Variants in CCDC110 observed in about 807,000 individuals in gnomAD.
The protein encoded by CCDC110 is coiled-coil domain containing 110.
In CCDC110, 70 loss-of-function variants were observed where a neutral mutation model predicts 77.1. That is an observed-to-expected ratio of 0.91 (90% CI 0.75 to 1.11). The LOEUF is 1.11. Ranked by LOEUF, CCDC110 falls within the 50% of genes least tolerant of loss-of-function variation. The pLI, the probability that CCDC110 is intolerant of heterozygous loss-of-function variation, is 0.00. For synonymous variants in CCDC110, 295 were observed against 312.5 expected, an observed-to-expected ratio of 0.94 and a Z score of 0.59; for missense variants, 868 against 942.9, an observed-to-expected ratio of 0.92 and a Z score of 1.04.
rs756061636 is a variant in CCDC110 at position 185,471,614 on chromosome 4, C to G, written c.10+60G>C. On this transcript the variant is annotated intron_variant, in intron 1 of 6. Coordinates refer to ENST00000307588, the MANE Select transcript of CCDC110 (RefSeq NM_152775.4). ...GAGCGGGGAGCCGCCTGCTGAATGC[C>G]CTTCTGCTGCCCTCCGTTCCCGCGG... 367 of 1,535,748 alleles carry G rather than the reference C, an allele frequency of 2.4e-4. 1 individual carries two copies. The highest frequency in any genetic ancestry group is 3.1e-4 in the Non-Finnish European group (356 of 1,140,486).
At chr4:185,457,588 G>A (rs1271558995) in intron 6 of CCDC110, among the ~76,000 whole-genome samples, 1 of 151,852 alleles carries the variant, frequency 6.6e-6, no homozygotes, top group Admixed American at 6.6e-5. Flanking sequence ...TTACTAGTTG[G>A]GTAAAATCTC....
At position 185,459,147 on chromosome 4, in the gene CCDC110, A is replaced by C. The variant is rs756729863; in HGVS notation, c.1440T>G (p.Leu480=). 2 of 1,598,730 alleles carry C rather than the reference A, an allele frequency of 1.3e-6. No homozygotes were observed. Among genetic ancestry groups the C allele is most frequent in the South Asian group, 2.3e-5 (2 of 88,358 alleles). Residue 480 remains leucine (L), a synonymous_variant, in exon 6 of 7, where the codon CTT becomes CTG. Transcript: ENST00000307588. ...IQKVETYEKQ[L]KNLVEEKSTI... Reference sequence around the variant, plus strand: ...TACTCTTTTCTTCAACCAGATTCTTAAGTTGCTTTTCATATGTTTCAACTT... The same window carrying C: ...TACTCTTTTCTTCAACCAGATTCTTCAGTTGCTTTTCATATGTTTCAACTT...
intron 6 of CCDC110, among the ~76,000 whole-genome samples, chr4:185,447,648 C>T (rs2095617836): frequency 6.8e-6 from 1 of 147,812 alleles, no homozygotes; most frequent in South Asian, 2.1e-4. Flanking sequence ...CTGTATTAAG[C>T]CATGTATGCA....
rs908850772 is a variant in CCDC110, at chr4:185,458,409, A to G, written c.2178T>C (p.Ser726=). The G allele has an allele frequency of 3.8e-6, 6 of 1,594,520 alleles. No individual in the cohort carries two copies. Among genetic ancestry groups the G allele is most frequent in the Non-Finnish European group, 5.1e-6 (6 of 1,172,166 alleles). The change falls in exon 6 of 7, where the codon AGT becomes AGC. Residue 726 remains serine, a synonymous_variant. Transcript: ENST00000307588. ...QILKEELKKH[S]QENIKFENSI... ...TGTTTTCAAATTTTATATTTTCTTG[A>G]CTATGTTTCTTTAGTTCTTCTTTTA...
At chr4:185,460,999 C>A in intron 5 of CCDC110, 50 bp downstream of exon 5, 1 of 900,308 alleles carries the variant, frequency 1.1e-6, no homozygotes, top group South Asian at 1.4e-5. Context: ...TGATGGTAGT[C>A]ACGTTTTGAA....
At chr4:185,461,720 C>T (rs1178898998) in intron 4 of CCDC110, among the ~76,000 whole-genome samples, 1 of 152,218 alleles carries the variant, frequency 6.6e-6, no homozygotes, top group African/African-American at 2.4e-5. Flanking sequence ...ACAGCGGCCA[C>T]CTGACAGTGA....
rs1204574569 is a variant in CCDC110 at position 185,461,276 on chromosome 4, T to C, written c.238-117A>G. The C allele has an allele frequency of 9.1e-6, 5 of 547,624 alleles. No homozygotes were observed. In the African/African-American group the frequency reaches 9.6e-5, roughly 11 times the overall value. The allele number at this position is 547,624 out of a possible 1,614,324, so 33.9% of individuals were successfully genotyped here. On this transcript the variant is annotated intron_variant, in intron 4 of 6. Transcript: ENST00000307588. The stretch of plus-strand genomic sequence containing the variant: ...TAAATTTCCTGCCCATAAACAGTCT[T>C]TCCCATCTTATAGAATATAAATGAA...
intron 5 of CCDC110, 62 bp from the exon 6 acceptor site, chr4:185,460,300 G>T: frequency 1.6e-6 from 2 of 1,283,714 alleles, no homozygotes; most frequent in Non-Finnish European, 2.1e-6. Context: ...AAGCAGTACA[G>T]ATAATATTTT....
In CCDC110 at chr4:185,458,817, T is replaced by C; in HGVS notation, c.1770A>G (p.Lys590=). 1 of 1,607,986 alleles carries C rather than the reference T, an allele frequency of 6.2e-7. No individual in the cohort carries two copies. Among genetic ancestry groups the C allele is most frequent in the East Asian group, 2.2e-5 (1 of 44,720 alleles). The change falls in exon 6 of 7, where the codon AAA becomes AAG. Residue 590 remains lysine (K), a synonymous_variant. Coordinates refer to ENST00000307588, the MANE Select transcript of CCDC110 (RefSeq NM_152775.4). ...LIQDEKEMLE[K]KTHQLLKEKS... is the part of the protein sequence containing the mutation. ...TTTCTTTTAGAAGCTGGTGTGTTTT[T>C]TTCTCTAACATTTCTTTTTCATCTT...
chr4:185,456,248 T>C (rs2095635819), intron 6 of CCDC110, among the ~76,000 whole-genome samples: 3 of 152,172 alleles, frequency 2.0e-5, no homozygotes, highest in Admixed American at 2.0e-4. Flanking sequence ...TCACTTCCAA[T>C]CCATTGGGTC....
At chr4:185,446,342 C>T (rs545826471) in intron 6 of CCDC110, among the ~76,000 whole-genome samples, 39 of 152,286 alleles carry the variant, frequency 2.6e-4, no homozygotes, top group African/African-American at 9.1e-4. Context: ...TAAGTTGATA[C>T]TGTCTTAAAA....
At chr4:185,447,282 C>A (rs775118972) in intron 6 of CCDC110, among the ~76,000 whole-genome samples, 4 of 151,806 alleles carry the variant, frequency 2.6e-5, no homozygotes, top group Non-Finnish European at 5.9e-5. Context: ...GCCGGGTTCA[C>A]GCCATTCTCC....
chr4:185,458,269 C>G lies in CCDC110; in HGVS notation c.2318G>C (p.Ser773Thr). 1 of 1,599,956 alleles carries G rather than the reference C, an allele frequency of 6.3e-7. No individual in the cohort carries two copies. Among genetic ancestry groups the G allele is most frequent in the African/African-American group, 1.3e-5 (1 of 74,162 alleles). The change falls in exon 6 of 7, where the codon AGT becomes ACT. Residue 773 changes from serine to threonine, a missense_variant. Physicochemically the swap from Ser to Thr is moderately conservative, Grantham distance 58. Transcript: ENST00000307588. ...EMRHLQREYL[S>T]LSDKICNQHN... ...CTGATTACAAATTTTATCACTTAAA[C>G]TTAAATATTCTCGTTGAAGATGCCG...
intron 6 of CCDC110, among the ~76,000 whole-genome samples, chr4:185,447,551 G>T (rs1419836165): frequency 6.6e-6 from 1 of 152,152 alleles, no homozygotes; most frequent in East Asian, 1.9e-4. Flanking sequence ...TTTGTCAAGT[G>T]AAGTTTTTTC....
rs2095607331 is a variant in CCDC110, at chr4:185,445,333, G to A, written c.*169C>T. On this transcript the variant is annotated 3_prime_UTR_variant, in exon 7 of 7. Coordinates refer to ENST00000307588, the MANE Select transcript of CCDC110 (RefSeq NM_152775.4). ...CCCATCTTCTGAAATTCCCAGCTGA[G>A]AAAGCTTAAGTTATCTGCACCAAAC... The A allele has an allele frequency of 1.4e-6, 1 of 721,682 alleles. No homozygotes were observed. The highest frequency in any genetic ancestry group is 1.8e-5 in the African/African-American group (1 of 56,170). The allele number at this position is 721,682 out of a possible 1,614,324, so 44.7% of individuals were successfully genotyped here.
At position 185,460,030 on chromosome 4, in the gene CCDC110, T is replaced by G. The variant is rs769786331; in HGVS notation, c.557A>C (p.His186Pro). 1 of 1,613,300 alleles carries G rather than the reference T, an allele frequency of 6.2e-7. No homozygotes were observed. ...TDNLSSNIII[H>P]PSENSDILKN... ...CAAGATGTCAGAATTTTCTGAAGGGTGTATAATTATGTTTGAAGATAAATT... is the reference window on the plus strand; with the variant it reads ...CAAGATGTCAGAATTTTCTGAAGGGGGTATAATTATGTTTGAAGATAAATT... The change falls in exon 6 of 7, where the codon CAC (histidine) becomes CCC (proline). Residue 186 changes from histidine (H) to proline (P), a missense_variant. By Grantham distance (77) the His-to-Pro change is moderately conservative. Transcript: ENST00000307588.
chr4:185,470,964 T>C lies in CCDC110; in HGVS notation c.96A>G (p.Glu32=), dbSNP rs756650265. The change falls in exon 2 of 7, where the codon GAA becomes GAG. Residue 32 remains glutamate (E), a synonymous_variant. Transcript: ENST00000307588. The part of the protein sequence containing the change: ...KILNSSEGVK[E]SGCSDTEYGC... Reference sequence around the variant, plus strand: ...TTTTACCTGTGTCACTGCAGCCACTTTCCTTCACCCCCTCCGAAGAATTTA... The same window carrying C: ...TTTTACCTGTGTCACTGCAGCCACTCTCCTTCACCCCCTCCGAAGAATTTA... The C allele has an allele frequency of 6.2e-7, 1 of 1,611,186 alleles. No individual in the cohort carries two copies. Among genetic ancestry groups the C allele is most frequent in the East Asian group, 2.2e-5 (1 of 44,710 alleles).
chr4:185,471,651 G>T, intron 1 of CCDC110, 23 bp downstream of exon 1: 1 of 1,555,320 alleles, frequency 6.4e-7, no homozygotes, highest in Non-Finnish European at 8.7e-7. Flanking sequence ...TCCCCTAGGA[G>T]CCCCGCCCCG....
chr4:185,462,359 C>T (rs1382403527), intron 4 of CCDC110, among the ~76,000 whole-genome samples: 1 of 152,184 alleles, frequency 6.6e-6, no homozygotes, highest in Non-Finnish European at 1.5e-5. Context: ...AATTAGACTT[C>T]ATGTCACCTA....
Sources: gnomAD v4.1 joint callset for allele counts (sites outside exome capture counted in the v4.1 genomes callset) on GRCh38, gnomAD v4.1.1 for gene constraint, MANE v1.5 for transcripts, NCBI Gene and HGNC (gene_info 2026-07-23, HGNC 2026-07-21) for gene names.